ANXA7: variants seen among roughly 807,000 people sequenced by gnomAD.
ANXA7 encodes annexin A7.
Under a neutral mutation model 64.9 loss-of-function variants are expected in ANXA7, and 55 were observed. The observed-to-expected ratio is 0.85, with a 90% CI of 0.68 to 1.06. The LOEUF (loss-of-function observed/expected upper bound fraction) is 1.06, where lower values mean the gene tolerates loss of function less well. Among genes scored for constraint, ANXA7 ranks in the 50% least tolerant of loss-of-function variants. The pLI is 0.00. For missense variants in ANXA7, 548 were observed against 582.1 expected, an observed-to-expected ratio of 0.94 and a Z score of 0.60; for synonymous variants, 200 against 192.4, an observed-to-expected ratio of 1.04 and a Z score of -0.33.
intron 2 of ANXA7, 74 bp downstream of exon 2, chr10:73,400,729 T>A: frequency 8.2e-7 from 1 of 1,223,842 alleles, no homozygotes; most frequent in Non-Finnish European, 1.1e-6. Flanking sequence ...CAAGCATATC[T>A]GTAAGATCTG....
Position 73,383,323 on chromosome 10 carries a change from ACACGTTCCTGAGT to A in ANXA7, c.757_769del (p.Thr253TyrfsTer2), listed in dbSNP as rs1564522750. On this transcript the variant is annotated frameshift_variant, in exon 9 of 13. Coordinates refer to ENST00000372921, the MANE Select transcript of ANXA7 (RefSeq NM_001156.5). LOFTEE classifies it high-confidence loss of function. ...TCTTGTGCACAAAATCTCAATCAAT[ACACGTTCCTGAGT>A]TCCTGCTCCCTACATGAAATGAAGG... is the stretch of plus-strand genomic sequence containing the variant. 4.3e-6 allele frequency: 7 copies of A among 1,613,808 alleles called. No homozygotes were observed. The highest frequency in any genetic ancestry group is 1.7e-5 in the Admixed American group (1 of 60,002).
chr10:73,378,850 T>C (rs1329770637), intron 12 of ANXA7, 61 bp downstream of exon 12: 5 of 1,324,326 alleles, frequency 3.8e-6, no homozygotes, highest in Non-Finnish European at 5.4e-6. Context: ...CTGGGGAACT[T>C]TTAAGAAATC....
rs182675220 is a variant in ANXA7 at position 73,378,436 on chromosome 10, T to G, written c.1278+475A>C. ...CATTTCTTCTGAGAAAAAAAATTTT[T>G]TGTAAGTGGAGTAAATATATAAAGT... is the stretch of plus-strand genomic sequence containing the variant. On this transcript the variant is annotated intron_variant, in intron 12 of 12. Transcript: ENST00000372921. 2.0e-4 allele frequency among the ~76,000 whole-genome samples: 31 copies of G among 151,964 alleles called. No homozygotes were observed. The East Asian group carries it at 5.6e-3, about 27-fold the overall frequency.
At chr10:73,411,013 C>T (rs2055830448) in intron 1 of ANXA7, among the ~76,000 whole-genome samples, 1 of 152,164 alleles carries the variant, frequency 6.6e-6, no homozygotes, top group Non-Finnish European at 1.5e-5. Flanking sequence ...TATAGCAGCA[C>T]AACTCACAAC....
At chr10:73,396,701 C>T in intron 4 of ANXA7, 118 bp from the exon 5 acceptor site, 1 of 594,154 alleles carries the variant, frequency 1.7e-6, no homozygotes, top group South Asian at 3.3e-5. Context: ...CACTATGATA[C>T]TTATGAGGAT....
chr10:73,401,689 A>G (rs2055669249), intron 1 of ANXA7, among the ~76,000 whole-genome samples: 1 of 152,064 alleles, frequency 6.6e-6, no homozygotes, highest in Non-Finnish European at 1.5e-5. Flanking sequence ...TTTAGTAGAG[A>G]TGGGGTTTCA....
chr10:73,413,741 C>T (rs928887377), intron 1 of ANXA7, among the ~76,000 whole-genome samples: 17 of 152,256 alleles, frequency 1.1e-4, no homozygotes, highest in Non-Finnish European at 8.8e-5. Flanking sequence ...TCCACCTGCC[C>T]GAGGGCGGGG....
At chr10:73,377,776 GT>G (rs2055201728) in intron 12 of ANXA7, among the ~76,000 whole-genome samples, 4 of 144,916 alleles carry the variant, frequency 2.8e-5, no homozygotes, top group African/African-American at 1.0e-4. Context: ...GGGTGTGGGT[GT>G]GTGTGTGTGT....
intron 4 of ANXA7, among the ~76,000 whole-genome samples, 197 bp downstream of exon 4, chr10:73,396,967 G>A (rs1018248684): frequency 7.2e-5 from 11 of 152,132 alleles, no homozygotes. Context: ...TAGAAAAAGT[G>A]TGACTTTATC....
intron 5 of ANXA7, among the ~76,000 whole-genome samples, chr10:73,392,394 C>CAA (rs201593558): frequency 2.6e-5 from 4 of 151,418 alleles, no homozygotes; most frequent in East Asian, 3.9e-4. Context: ...AGAGACACAA[C>CAA]AAAAAAAAGA....
At chr10:73,376,601 T>C (rs1318769842) in intron 12 of ANXA7, among the ~76,000 whole-genome samples, 1 of 152,226 alleles carries the variant, frequency 6.6e-6, no homozygotes, top group Non-Finnish European at 1.5e-5. Context: ...GAAACTAATA[T>C]GGTTAATTCC....
At chr10:73,403,575 G>A (rs2055708016) in intron 1 of ANXA7, among the ~76,000 whole-genome samples, 1 of 152,208 alleles carries the variant, frequency 6.6e-6, no homozygotes, top group African/African-American at 2.4e-5. Flanking sequence ...GCAGACATCT[G>A]AGTTATTTCT....
In ANXA7 at chr10:73,380,137, T is replaced by C. The variant is rs762163604; in HGVS notation, c.983A>G (p.Tyr328Cys). The stretch of plus-strand genomic sequence containing the variant: ...CCCTAGTCTCCCCTCACCAGCTTGA[T>C]AGAGACGCTGAGCATCTTCCTGAGC... ...QMAQEDAQRL[Y>C]QAGEGRLGTD... The change falls in exon 10 of 13, where the codon TAT becomes TGT. Residue 328 changes from tyrosine (Y) to cysteine (C), a missense_variant. Coordinates refer to ENST00000372921, the MANE Select transcript of ANXA7 (RefSeq NM_001156.5). 3.1e-6 allele frequency: 5 copies of C among 1,614,154 alleles called. No homozygotes were observed. Among genetic ancestry groups the C allele is most frequent in the East Asian group, 2.2e-5 (1 of 44,874 alleles).
In ANXA7 at chr10:73,376,108, A is replaced by G. The variant is rs768782546; in HGVS notation, c.1388T>C (p.Ile463Thr). The change falls in exon 13 of 13, where the codon ATT (isoleucine) becomes ACT (threonine). Residue 463 changes from isoleucine (I) to threonine (T), a missense_variant. Ile to Thr is a moderately conservative substitution (Grantham distance 89, BLOSUM62 -1). Coordinates refer to ENST00000372921, the MANE Select transcript of ANXA7 (RefSeq NM_001156.5). The stretch of plus-strand genomic sequence containing the variant: ...AAAAAATCCCTCCTACTGGCCCACA[A>G]TAGCCAGAAGAAGTCTTCGGTAATC... Reference protein sequence around the residue: ...SGDYRRLLLAIVGQ With the variant: ...SGDYRRLLLATVGQ 2 of 1,589,990 alleles carry G rather than the reference A, an allele frequency of 1.3e-6. No homozygotes were observed. The highest frequency in any genetic ancestry group is 1.7e-6 in the Non-Finnish European group (2 of 1,171,532).
chr10:73,383,224 C>T lies in ANXA7; in HGVS notation c.869G>A (p.Arg290Lys), dbSNP rs1370783843. ...TTCAAAATGTCCTGATGTATCTGAC[C>T]TAATGTCCTTTTCAAGGTCTCGTCC... ...EFGRDLEKDI[R>K]SDTSGHFERL... is the part of the protein sequence containing the mutation. Residue 290 changes from arginine (R) to lysine (K), a missense_variant, in exon 9 of 13, where the codon AGG (arginine) becomes AAG (lysine). By Grantham distance (26) the Arg-to-Lys change is conservative (BLOSUM62 2). Transcript: ENST00000372921. The T allele has an allele frequency of 6.2e-7, 1 of 1,614,082 alleles. No homozygotes were observed. Among genetic ancestry groups the T allele is most frequent in the South Asian group, 1.1e-5 (1 of 91,064 alleles).
rs1417124024 is a variant in ANXA7 at position 73,377,873 on chromosome 10, T to TCA, written c.1278+1036_1278+1037dup. 7.7e-4 allele frequency among the ~76,000 whole-genome samples: 115 copies of TCA among 149,694 alleles called. 1 individual carries two copies. The highest frequency in any genetic ancestry group is 2.6e-3 in the African/African-American group (105 of 40,408). ...TGTGTATTTTTTGTATAAATAGGTT[T>TCA]CACCATGTTGCCCAGGCTACCACGC... On this transcript the variant is annotated intron_variant, in intron 12 of 12. Coordinates refer to ENST00000372921, the MANE Select transcript of ANXA7 (RefSeq NM_001156.5).
At position 73,398,239 on chromosome 10, in the gene ANXA7, T is replaced by G. The variant is rs755347475; in HGVS notation, c.201A>C (p.Pro67=). The change falls in exon 3 of 13, where the codon CCA becomes CCC. Residue 67 remains proline, a synonymous_variant. Transcript: ENST00000372921. ...AGGYPAPGGY[P]APGGYPGAPQ... is the part of the protein sequence containing the mutation. ...GGGCACCAGGATAGCCTCCAGGGGC[T>G]GGATAACCTCCAGGCGCAGGGTAGC... 1.2e-6 allele frequency: 2 copies of G among 1,614,010 alleles called. No individual in the cohort carries two copies. Among genetic ancestry groups the G allele is most frequent in the Admixed American group, 3.3e-5 (2 of 60,028 alleles).
intron 7 of ANXA7, among the ~76,000 whole-genome samples, chr10:73,386,612 T>C (rs1028510899): frequency 6.6e-6 from 1 of 152,200 alleles, no homozygotes; most frequent in Non-Finnish European, 1.5e-5. Context: ...GAGAATGGCA[T>C]GTACACAACA....
In ANXA7 at chr10:73,413,700, G is replaced by C. The variant is rs2055879719; in HGVS notation, c.-2+312C>G. ...CGTTTCCCTACTCAGCCTCCCGCGA[G>C]GCAGCTGGGCCACGCTCCGGCCTCA... On this transcript the variant is annotated intron_variant, in intron 1 of 12. Transcript: ENST00000372921. Among the ~76,000 whole-genome samples, 4 of 152,244 alleles carry C rather than the reference G, an allele frequency of 2.6e-5. No individual in the cohort carries two copies. In the South Asian group the frequency reaches 8.3e-4, roughly 31 times the overall value.
Sources: allele counts gnomAD v4.1 joint callset (sites outside exome capture counted in the v4.1 genomes callset), GRCh38; gene constraint gnomAD v4.1.1; transcripts MANE v1.5; gene names NCBI Gene and HGNC (gene_info 2026-07-23, HGNC 2026-07-21).